The following PDGFB variants were observed in gnomAD, a reference collection of about 807,000 sequenced individuals.
PDGFB encodes the protein platelet-derived growth factor subunit B.
Under a neutral mutation model 29.0 loss-of-function variants are expected in PDGFB, and 6 were observed. The observed-to-expected ratio is 0.21, with a 90% CI of 0.11 to 0.41. The LOEUF (loss-of-function observed/expected upper bound fraction) is 0.41. PDGFB is among the 10% of genes least tolerant of loss of function. PDGFB has a pLI of 1.00. For synonymous variants in PDGFB, 144 were observed against 140.8 expected (o/e 1.02, Z -0.16); for missense variants, 299 against 341.8 (o/e 0.87, Z 0.99).
chr22:39,228,893 A>AAAAAAAT (rs1184799325), intron 5 of PDGFB, among the ~76,000 whole-genome samples: 2 of 132,518 alleles, frequency 1.5e-5, no homozygotes, highest in African/African-American at 2.6e-5. Context: ...CCTCAAAAAA[A>AAAAAAAT]ATATATATAT....
In PDGFB at chr22:39,231,928, C is replaced by A. The variant is rs556968066; in HGVS notation, c.251-101G>T. ...GTGCCTCCGGGACTGCTCTTTCTCA[C>A]GCCCTTCAACCCCAGGGTTCAGGTT... On this transcript the variant is annotated intron_variant, in intron 3 of 6. Coordinates refer to ENST00000331163, the MANE Select transcript of PDGFB (RefSeq NM_002608.4). The surrounding 1 kb of genome is among the most constrained non-coding windows in gnomAD (Gnocchi z 4.3). The A allele has an allele frequency of 2.1e-6, 2 of 936,942 alleles. No individual in the cohort carries two copies. The highest frequency in any genetic ancestry group is 5.3e-5 in the East Asian group (2 of 38,012). The allele number at this position is 936,942 out of a possible 1,614,324, so 58.0% of individuals were successfully genotyped here. A position where few individuals can be genotyped will look rare whatever the true frequency, so the allele number is the denominator to read the frequency against.
intron 1 of PDGFB, among the ~76,000 whole-genome samples, chr22:39,241,824 C>T (rs1463887468): frequency 6.6e-6 from 1 of 152,168 alleles, no homozygotes; most frequent in African/African-American, 2.4e-5. Flanking sequence ...AGAGTCACAT[C>T]ACCACCATTT....
chr22:39,225,862 G>GA lies in PDGFB; in HGVS notation c.602-16dup. On this transcript the variant is annotated splice_polypyrimidine_tract_variant and intron_variant, in intron 5 of 6. Coordinates refer to ENST00000331163, the MANE Select transcript of PDGFB (RefSeq NM_002608.4). Reference sequence around the variant, plus strand: ...GGGCGTTTTGGCTGCACAAGAAAAAGAAAGACCTCGTCAGCATGTGGACCA... The same window carrying GA: ...GGGCGTTTTGGCTGCACAAGAAAAAGAAAAGACCTCGTCAGCATGTGGACCA... The GA allele has an allele frequency of 6.2e-7, 1 of 1,607,614 alleles. No homozygotes were observed. The highest frequency in any genetic ancestry group is 8.5e-7 in the Non-Finnish European group (1 of 1,175,226).
intron 3 of PDGFB, among the ~76,000 whole-genome samples, chr22:39,232,957 G>C (rs1314829235): frequency 6.6e-6 from 1 of 152,222 alleles, no homozygotes; most frequent in Non-Finnish European, 1.5e-5. Flanking sequence ...AAGGGAGCAG[G>C]AGGAAGTTCC....
rs963338517 is a variant in PDGFB, at chr22:39,242,228, G to T, written c.63+1673C>A. 64 of 211,268 alleles carry T rather than the reference G, an allele frequency of 3.0e-4. No individual in the cohort carries two copies. Among genetic ancestry groups the T allele is most frequent in the Non-Finnish European group, 4.2e-4 (44 of 104,066 alleles). The allele number at this position is 211,268 out of a possible 1,614,324, so 13.1% of individuals were successfully genotyped here. The stretch of plus-strand genomic sequence containing the variant: ...GCGCGACCTGGCCGCGGTAGTGCGT[G>T]CCCGTCGCTCTGCGCGCCCGCCCGC... On this transcript the variant is annotated intron_variant, in intron 1 of 6. Coordinates refer to ENST00000331163, the MANE Select transcript of PDGFB (RefSeq NM_002608.4). The surrounding 1 kb of genome is among the most constrained non-coding windows in gnomAD (Gnocchi z 5.7).
chr22:39,240,885 G>C (rs200245024), intron 1 of PDGFB: 4 of 1,611,688 alleles, frequency 2.5e-6, no homozygotes, highest in Admixed American at 3.3e-5. Context: ...CACCATTCCT[G>C]CTCAGTCAGT....
intron 5 of PDGFB, among the ~76,000 whole-genome samples, chr22:39,228,395 C>A (rs1195207951): frequency 6.6e-6 from 1 of 151,678 alleles, no homozygotes. Context: ...TAGAGACCAG[C>A]CTGAGCAACG....
chr22:39,228,336 C>T (rs537642233), intron 5 of PDGFB, among the ~76,000 whole-genome samples: 3 of 152,332 alleles, frequency 2.0e-5, no homozygotes, highest in African/African-American at 7.2e-5. Context: ...TGCCTGTAAT[C>T]CCAGCACCTT....
chr22:39,236,915 C>G (rs5757572), intron 1 of PDGFB, among the ~76,000 whole-genome samples: 88,777 of 152,116 alleles, frequency 0.58, 27,532 homozygotes, highest in East Asian at 0.9. Context: ...ACAGACAGTC[C>G]TGGAGAGGGC....
rs1932654329 is a variant in PDGFB, at chr22:39,244,748, C to G, written c.-785G>C. On this transcript the variant is annotated 5_prime_UTR_variant, in exon 1 of 7. Transcript: ENST00000331163. The surrounding 1 kb of genome is among the most constrained non-coding windows in gnomAD (Gnocchi z 4.5). ...CGGGCTGCGGGCTGCGAGCTGCGAG[C>G]TGCGAGCTGCGGCTGCTCCGGTTTT... is the stretch of plus-strand genomic sequence containing the variant. The G allele has an allele frequency of 5.3e-6, 1 of 188,876 alleles. No homozygotes were observed. The highest frequency in any genetic ancestry group is 1.9e-4 in the South Asian group (1 of 5,174). 11.7% of individuals were successfully genotyped at this position (188,876 alleles called of 1,614,324 possible).
chr22:39,242,188 G>T lies in PDGFB; in HGVS notation c.63+1713C>A, dbSNP rs1344858255. On this transcript the variant is annotated intron_variant, in intron 1 of 6. Coordinates refer to ENST00000331163, the MANE Select transcript of PDGFB (RefSeq NM_002608.4). This position sits in a 1 kb window ranked among gnomAD's most constrained non-coding sequence, Gnocchi z 5.7. ...GCGTGTGTCCCGCGTGTGCACGGGCGTGGCAGAGGCGGGCGCGCGACCTGG... is the reference window on the plus strand; with the variant it reads ...GCGTGTGTCCCGCGTGTGCACGGGCTTGGCAGAGGCGGGCGCGCGACCTGG... 1 of 218,112 alleles carries T rather than the reference G, an allele frequency of 4.6e-6. No homozygotes were observed. The highest frequency in any genetic ancestry group is 9.2e-6 in the Non-Finnish European group (1 of 108,392). 13.5% of individuals were successfully genotyped at this position (218,112 alleles called of 1,614,324 possible). A position where few individuals can be genotyped will look rare whatever the true frequency, so the allele number is the denominator to read the frequency against.
At chr22:39,241,908 CA>C (rs907655615) in intron 1 of PDGFB, among the ~76,000 whole-genome samples, 9 of 146,548 alleles carry the variant, frequency 6.1e-5, no homozygotes, top group Admixed American at 1.3e-4. Flanking sequence ...GCTGACGAGG[CA>C]AAAAAAAAAG....
rs963091743 is a variant in PDGFB, at chr22:39,242,442, C to G, written c.63+1459G>C. The G allele has an allele frequency of 2.3e-4, 46 of 198,648 alleles. No homozygotes were observed. Among genetic ancestry groups the G allele is most frequent in the Non-Finnish European group, 3.6e-4 (35 of 96,610 alleles). The allele number at this position is 198,648 out of a possible 1,614,324, so 12.3% of individuals were successfully genotyped here. On this transcript the variant is annotated intron_variant, in intron 1 of 6. Coordinates refer to ENST00000331163, the MANE Select transcript of PDGFB (RefSeq NM_002608.4). This position sits in a 1 kb window ranked among gnomAD's most constrained non-coding sequence, Gnocchi z 5.7. ...GGCAGCTGGGGCCGGCCGGCCACCC[C>G]CTCCCCAACAGCTGGCCGCGGCCCG...
intron 6 of PDGFB, 82 bp downstream of exon 6, chr22:39,225,613 A>G: frequency 7.5e-7 from 1 of 1,335,406 alleles, no homozygotes; most frequent in Non-Finnish European, 1.0e-6. Flanking sequence ...CTATGGAAAA[A>G]TCCTTTCCCC....
chr22:39,223,552 C>T lies in PDGFB; in HGVS notation c.*1790G>A, dbSNP rs1332058381. 6.6e-6 allele frequency: 1 copy of T among 152,600 alleles called. No individual in the cohort carries two copies. The highest frequency in any genetic ancestry group is 1.5e-5 in the Non-Finnish European group (1 of 68,044). 9.5% of individuals were successfully genotyped at this position (152,600 alleles called of 1,614,324 possible). On this transcript the variant is annotated 3_prime_UTR_variant, in exon 7 of 7. Coordinates refer to ENST00000331163, the MANE Select transcript of PDGFB (RefSeq NM_002608.4). Reference sequence around the variant, plus strand: ...GTATGTGTGTGTGTGTGTATGTGCACGCCAGTGTGTGAGATCACGCCTGAG... The same window carrying T: ...GTATGTGTGTGTGTGTGTATGTGCATGCCAGTGTGTGAGATCACGCCTGAG...
At position 39,243,667 on chromosome 22, in the gene PDGFB, G is replaced by C. The variant is rs1310989769; in HGVS notation, c.63+234C>G. Among the ~76,000 whole-genome samples the C allele has an allele frequency of 6.6e-6, 1 of 152,176 alleles. No homozygotes were observed. The highest frequency in any genetic ancestry group is 2.4e-5 in the African/African-American group (1 of 41,438). The stretch of plus-strand genomic sequence containing the variant: ...ACACACCCTCCCCCGACACGGAACG[G>C]CTTAGGGAGCCAGATTCGCCCGCCG... On this transcript the variant is annotated intron_variant, in intron 1 of 6. Transcript: ENST00000331163. This position sits in a 1 kb window ranked among gnomAD's most constrained non-coding sequence, Gnocchi z 6.4.
Position 39,240,727 on chromosome 22 carries a change from A to G in PDGFB, c.63+3174T>C, listed in dbSNP as rs1330045025. 4.6e-6 allele frequency: 5 copies of G among 1,090,452 alleles called. No individual in the cohort carries two copies. The Admixed American group carries it at 6.9e-5, about 15-fold the overall frequency. 67.5% of individuals were successfully genotyped at this position (1,090,452 alleles called of 1,614,324 possible). A position where few individuals can be genotyped will look rare whatever the true frequency, so the allele number is the denominator to read the frequency against. ...TGGGGACCAGGAGGAAAGCTCTCTA[A>G]TGGGGTTGACACTCCAGTAGAGAAA... On this transcript the variant is annotated intron_variant, in intron 1 of 6. Coordinates refer to ENST00000331163, the MANE Select transcript of PDGFB (RefSeq NM_002608.4).
At position 39,230,180 on chromosome 22, in the gene PDGFB, T is replaced by C. The variant is rs1279689671; in HGVS notation, c.505A>G (p.Thr169Ala). 3 of 1,613,926 alleles carry C rather than the reference T, an allele frequency of 1.9e-6. No homozygotes were observed. Among genetic ancestry groups the C allele is most frequent in the Non-Finnish European group, 2.5e-6 (3 of 1,180,024 alleles). ...GCCAGGTGGTCTTCCAGCGTCACCG[T>C]GGCCTTCTTAAAGATTGGCTTCTTC... is the stretch of plus-strand genomic sequence containing the variant. ...VRKKPIFKKA[T>A]VTLEDHLACK... Residue 169 changes from threonine (T) to alanine (A), a missense_variant, in exon 5 of 7, where the codon ACG (threonine) becomes GCG (alanine). Physicochemically the swap from Thr to Ala is moderately conservative, Grantham distance 58. Coordinates refer to ENST00000331163, the MANE Select transcript of PDGFB (RefSeq NM_002608.4).
chr22:39,231,817 G>A lies in PDGFB; in HGVS notation c.261C>T (p.Thr87=), dbSNP rs2146439575. ...CGGCGATCATGGCCGGCTCAGCAAT[G>A]GTCAGGGAACCTGGGAGGAGACGAA... ...ARGRRSLGSL[T]IAEPAMIAEC... is the part of the protein sequence containing the mutation. The change falls in exon 4 of 7, where the codon ACC becomes ACT. Residue 87 remains threonine, a synonymous_variant. Transcript: ENST00000331163. This position sits in a 1 kb window ranked among gnomAD's most constrained non-coding sequence, Gnocchi z 4.3. 2 of 1,612,988 alleles carry A rather than the reference G, an allele frequency of 1.2e-6. No homozygotes were observed. The highest frequency in any genetic ancestry group is 4.5e-5 in the East Asian group (2 of 44,870).
Sources: gnomAD v4.1 joint callset for allele counts (sites outside exome capture counted in the v4.1 genomes callset) on GRCh38, gnomAD v4.1.1 for gene constraint, Gnocchi (gnomAD v3.1) non-coding constraint, MANE v1.5 for transcripts, NCBI Gene and HGNC (gene_info 2026-07-23, HGNC 2026-07-21) for gene names.